TIAM2: variants seen among roughly 807,000 people sequenced by gnomAD.
The protein encoded by TIAM2 is rho guanine nucleotide exchange factor TIAM2.
Under a neutral mutation model 152.9 loss-of-function variants are expected in TIAM2, and 80 were observed. That is an observed-to-expected ratio of 0.52 (90% CI 0.44 to 0.63). The LOEUF is 0.63. Ranked by LOEUF, TIAM2 falls within the 30% of genes least tolerant of loss-of-function variation. The pLI is 0.00. For missense variants in TIAM2, 1,965 were observed against 2,120.1 expected (o/e 0.93, Z 1.44); for synonymous variants, 804 against 838.0 (o/e 0.96, Z 0.70).
rs773386119 is a variant in TIAM2, at chr6:155,129,573, A to C, written c.350A>C (p.His117Pro). The change falls in exon 4 of 27, where the codon CAC becomes CCC. Residue 117 changes from histidine (H) to proline (P), a missense_variant. This residue lies in a region of TIAM2 where 1,025 missense variants were observed against 1,119.4 expected (regional missense o/e 0.92). Coordinates refer to ENST00000682666, the MANE Select transcript of TIAM2 (RefSeq NM_012454.4). The surrounding 1 kb of genome is among the most constrained non-coding windows in gnomAD (Gnocchi z 4.8). ...GCTTTCTCAACTGAGAATGGCTTCC[A>C]CTCTGTTGGCCACGAGCTGGCAGAT... ...SAAFSTENGFHSVGHELADNH... is the reference protein window; with the variant it reads ...SAAFSTENGFPSVGHELADNH... 2 of 1,613,890 alleles carry C rather than the reference A, an allele frequency of 1.2e-6. No homozygotes were observed. Among genetic ancestry groups the C allele is most frequent in the Non-Finnish European group, 1.7e-6 (2 of 1,179,974 alleles).
At chr6:155,159,283 G>A (rs1308362474) in intron 7 of TIAM2, among the ~76,000 whole-genome samples, 1 of 152,204 alleles carries the variant, frequency 6.6e-6, no homozygotes, top group Non-Finnish European at 1.5e-5. Context: ...ATACCTGGGG[G>A]TATATGGGCA....
chr6:155,219,992 G>A (rs1279130347), intron 15 of TIAM2, among the ~76,000 whole-genome samples: 3 of 152,268 alleles, frequency 2.0e-5, no homozygotes, highest in East Asian at 1.9e-4. Context: ...GAACAACAGA[G>A]CGTGGCAGGA....
At chr6:155,037,428 A>T (rs1264568545) in intron 1 of TIAM2, among the ~76,000 whole-genome samples, 3 of 152,118 alleles carry the variant, frequency 2.0e-5, no homozygotes, top group Non-Finnish European at 4.4e-5. Flanking sequence ...TGAAAAAAAA[A>T]TCCCCACTTC....
At chr6:155,165,579 C>T (rs763862040) in intron 9 of TIAM2, among the ~76,000 whole-genome samples, 170 bp downstream of exon 9, 21 of 152,136 alleles carry the variant, frequency 1.4e-4, no homozygotes, top group Admixed American at 9.2e-4. Flanking sequence ...GCAGGAGGGC[C>T]ACCTGAGCCC....
At chr6:155,200,484 C>T (rs1405666980) in intron 14 of TIAM2, among the ~76,000 whole-genome samples, 1 of 152,158 alleles carries the variant, frequency 6.6e-6, no homozygotes. Flanking sequence ...ACATACTATA[C>T]AATTTACCTT....
At chr6:155,037,405 TG>T (rs60363342) in intron 1 of TIAM2, among the ~76,000 whole-genome samples, 22,082 of 152,148 alleles carry the variant, frequency 0.15, 1,855 homozygotes, top group East Asian at 0.32. Flanking sequence ...AAAGTTTTTC[TG>T]TATTTCTGTT....
rs550083920 is a variant in TIAM2 at position 155,165,860 on chromosome 6, C to T, written c.2361+451C>T. Among the ~76,000 whole-genome samples, 5 of 151,822 alleles carry T rather than the reference C, an allele frequency of 3.3e-5. No individual in the cohort carries two copies. In the South Asian group the frequency reaches 8.3e-4, roughly 25 times the overall value. ...GCATGCACTTTTTTTTTTAACCCAA[C>T]GAAACTGCACAAGTTGCCGTATCTA... On this transcript the variant is annotated intron_variant, in intron 9 of 26. Transcript: ENST00000682666.
intron 1 of TIAM2, among the ~76,000 whole-genome samples, chr6:155,024,366 T>A (rs1300823564): frequency 6.6e-6 from 1 of 152,126 alleles, no homozygotes; most frequent in African/African-American, 2.4e-5. Context: ...ACACAATTTT[T>A]AAAAATTCAG....
At chr6:155,160,863 A>G (rs898319345) in intron 7 of TIAM2, among the ~76,000 whole-genome samples, 3 of 152,238 alleles carry the variant, frequency 2.0e-5, no homozygotes, top group Non-Finnish European at 4.4e-5. Flanking sequence ...TCATAAGGTT[A>G]CTTTTCCTTT....
At chr6:155,029,580 A>AC (rs1414090373) in intron 1 of TIAM2, among the ~76,000 whole-genome samples, 8,033 of 94,432 alleles carry the variant, frequency 0.085, 1,480 homozygotes, top group African/African-American at 0.11. Context: ...AATAGTATAT[A>AC]TAACTATATA....
chr6:155,125,251 A>G (rs1779265215), intron 2 of TIAM2, among the ~76,000 whole-genome samples: 1 of 152,052 alleles, frequency 6.6e-6, no homozygotes, highest in South Asian at 2.1e-4. Context: ...AGCCTGGGTA[A>G]CAGAGTGAGA....
chr6:155,229,309 C>T (rs1583265903), intron 15 of TIAM2, among the ~76,000 whole-genome samples: 3 of 152,148 alleles, frequency 2.0e-5, no homozygotes, highest in African/African-American at 4.8e-5. Flanking sequence ...TTGGGGCACT[C>T]GGGAAATTTA....
intron 2 of TIAM2, among the ~76,000 whole-genome samples, chr6:155,119,861 A>C (rs1442660295): frequency 1.3e-5 from 2 of 152,234 alleles, no homozygotes; most frequent in Non-Finnish European, 2.9e-5. Context: ...TTCATGAAAC[A>C]AATTTTACTC....
chr6:155,252,507 A>C lies in TIAM2; in HGVS notation c.4120-441A>C, dbSNP rs377372457. On this transcript the variant is annotated intron_variant, in intron 23 of 26. Coordinates refer to ENST00000682666, the MANE Select transcript of TIAM2 (RefSeq NM_012454.4). ...AAGTAAATAAAGTAGATAAATACTCATATGGGGGCCTACATAGAACATCGA... is the reference window on the plus strand; with the variant it reads ...AAGTAAATAAAGTAGATAAATACTCCTATGGGGGCCTACATAGAACATCGA... Among the ~76,000 whole-genome samples, 4 of 152,190 alleles carry C rather than the reference A, an allele frequency of 2.6e-5. No homozygotes were observed. In the East Asian group the frequency reaches 5.8e-4, roughly 22 times the overall value.
At chr6:155,236,481 G>A (rs573561573) in intron 15 of TIAM2, among the ~76,000 whole-genome samples, 15 of 152,150 alleles carry the variant, frequency 9.9e-5, no homozygotes, top group African/African-American at 3.6e-4. Context: ...TGGCCAACAT[G>A]GCAAAACCCC....
At position 155,057,004 on chromosome 6, in the gene TIAM2, C is replaced by T. The variant is rs112575790; in HGVS notation, c.-208-33285C>T. Reference sequence around the variant, plus strand: ...TAGATAGTTTGCTAGTAGAATGTTCCTCAGTTTTCTTTCTTTTTTTTTTTT... The same window carrying T: ...TAGATAGTTTGCTAGTAGAATGTTCTTCAGTTTTCTTTCTTTTTTTTTTTT... On this transcript the variant is annotated intron_variant, in intron 1 of 26. Coordinates refer to ENST00000682666, the MANE Select transcript of TIAM2 (RefSeq NM_012454.4). Among the ~76,000 whole-genome samples, 11 of 136,230 alleles carry T rather than the reference C, an allele frequency of 8.1e-5. 3 individuals are homozygous for T. The highest frequency in any genetic ancestry group is 3.0e-4 in the African/African-American group (11 of 36,934). 89.4% of individuals were successfully genotyped at this position (136,230 alleles called of 152,430 possible). A position where few individuals can be genotyped will look rare whatever the true frequency, so the allele number is the denominator to read the frequency against.
At chr6:155,102,567 A>T (rs9480051) in intron 2 of TIAM2, among the ~76,000 whole-genome samples, 88,755 of 151,900 alleles carry the variant, frequency 0.58, 27,013 homozygotes, top group African/African-American at 0.73. Flanking sequence ...GGGGTGTTCC[A>T]ATGCCCCATC....
At chr6:155,044,724 A>C (rs968383122) in intron 1 of TIAM2, among the ~76,000 whole-genome samples, 3 of 151,898 alleles carry the variant, frequency 2.0e-5, no homozygotes, top group African/African-American at 7.3e-5. Context: ...CTGAGGCAGA[A>C]TTGTTTGAAC....
chr6:155,195,956 T>C (rs1216551039), intron 14 of TIAM2, among the ~76,000 whole-genome samples: 1 of 152,018 alleles, frequency 6.6e-6, no homozygotes, highest in Non-Finnish European at 1.5e-5. Context: ...CAAAGACCAT[T>C]GTGAGGTCCA....
Sources: gnomAD v4.1 joint callset for allele counts (sites outside exome capture counted in the v4.1 genomes callset) on GRCh38, gnomAD v4.1.1 for gene constraint, gnomAD v4.1.1 regional missense constraint, Gnocchi (gnomAD v3.1) non-coding constraint, MANE v1.5 for transcripts, NCBI Gene and HGNC (gene_info 2026-07-23, HGNC 2026-07-21) for gene names.